Variants in TRHDE observed in about 807,000 individuals in gnomAD.
TRHDE encodes the protein thyrotropin releasing hormone degrading enzyme.
TRHDE carries 72 observed loss-of-function variants against 125.7 expected under a neutral mutation model. The observed-to-expected ratio is 0.57, with a 90% CI of 0.47 to 0.70. The LOEUF (loss-of-function observed/expected upper bound fraction) is 0.70. Ranked by LOEUF, TRHDE falls within the 30% of genes least tolerant of loss-of-function variation. The pLI, the probability that TRHDE is intolerant of heterozygous loss-of-function variation, is 0.00. For missense variants in TRHDE, 1,110 were observed against 1,327.1 expected (o/e 0.84, Z 2.54); for synonymous variants, 509 against 509.1 (o/e 1.00, Z 0.00).
At chr12:72,253,533 T>C (rs1281999129) in intron 2 of TRHDE, 1 of 152,108 alleles carries the variant, frequency 6.6e-6, no homozygotes, top group Non-Finnish European at 1.5e-5. Context: ...ACTTTATTTT[T>C]TACAGCAATT....
chr12:72,251,108 T>G (rs939715131), intron 2 of TRHDE, among the ~76,000 whole-genome samples: 1 of 151,934 alleles, frequency 6.6e-6, no homozygotes, highest in Non-Finnish European at 1.5e-5. Context: ...TTGACATTGA[T>G]TATGATCCAT....
At chr12:72,386,052 G>T (rs1872399838) in intron 3 of TRHDE, among the ~76,000 whole-genome samples, 1 of 152,186 alleles carries the variant, frequency 6.6e-6, no homozygotes, top group Non-Finnish European at 1.5e-5. Flanking sequence ...TTAAAATCTA[G>T]TTGAAGAGAA....
intron 6 of TRHDE, among the ~76,000 whole-genome samples, chr12:72,516,887 C>T (rs1376259398): frequency 6.6e-6 from 1 of 152,132 alleles, no homozygotes; most frequent in African/African-American, 2.4e-5. Context: ...GCCTTTTCTG[C>T]ATCTATTGAG....
At chr12:72,548,445 T>A (rs953030273) in intron 7 of TRHDE, among the ~76,000 whole-genome samples, 3 of 151,850 alleles carry the variant, frequency 2.0e-5, no homozygotes, top group Admixed American at 1.3e-4. Flanking sequence ...CAACAATGCT[T>A]ATAGTTAAAA....
In TRHDE at chr12:72,562,863, G is replaced by C. The variant is rs1451611636; in HGVS notation, c.1865G>C (p.Arg622Thr). The part of the protein sequence containing the change: ...LWNTLSEALK[R>T]NGKYVNIQEV... ...TTTTTCCTTGTGAAGGCTTTAAAAA[G>C]AAATGGGAAATATGTAAATATACAA... The change falls in exon 9 of 19, where the codon AGA becomes ACA. Residue 622 changes from arginine (R) to threonine (T), a missense_variant. By Grantham distance (71) the Arg-to-Thr change is moderately conservative. Around this residue, in one of 5 missense-constraint regions of TRHDE, gnomAD observed 527 missense variants for 651.8 expected, o/e 0.81. Transcript: ENST00000261180. 1.3e-6 allele frequency: 2 copies of C among 1,562,672 alleles called. No homozygotes were observed. Among genetic ancestry groups the C allele is most frequent in the African/African-American group, 1.4e-5 (1 of 72,600 alleles).
At chr12:72,532,808 CATATA>C (rs1323093480) in intron 6 of TRHDE, among the ~76,000 whole-genome samples, 2 of 149,858 alleles carry the variant, frequency 1.3e-5, no homozygotes, top group East Asian at 1.9e-4. Context: ...TGTATTATCA[CATATA>C]ATATATATTA....
intron 12 of TRHDE, among the ~76,000 whole-genome samples, chr12:72,600,758 G>C (rs2136058704): frequency 6.6e-6 from 1 of 152,020 alleles, no homozygotes; most frequent in South Asian, 2.1e-4. Context: ...AACAAAGCTT[G>C]GATGACAACA....
intron 3 of TRHDE, among the ~76,000 whole-genome samples, chr12:72,402,776 T>G (rs1276068748): frequency 1.3e-5 from 2 of 152,184 alleles, no homozygotes; most frequent in Non-Finnish European, 2.9e-5. Flanking sequence ...CATTGATTTT[T>G]TTTTCTGTAG....
At chr12:72,102,832 G>A (rs143513296) in intron 1 of TRHDE, among the ~76,000 whole-genome samples, 1 of 152,216 alleles carries the variant, frequency 6.6e-6, no homozygotes, top group Non-Finnish European at 1.5e-5. Context: ...AGGGCTTGTT[G>A]CCCCAGTTGG....
At chr12:72,447,148 G>C (rs1256526382) in intron 3 of TRHDE, among the ~76,000 whole-genome samples, 2 of 152,082 alleles carry the variant, frequency 1.3e-5, no homozygotes, top group African/African-American at 4.8e-5. Context: ...TAAAAGAACA[G>C]AAATTATAAC....
At chr12:72,512,412 AACT>A (rs1565771975) in intron 6 of TRHDE, among the ~76,000 whole-genome samples, 1 of 123,990 alleles carries the variant, frequency 8.1e-6, no homozygotes, top group Non-Finnish European at 1.6e-5. Flanking sequence ...ATATAATTAT[AACT>A]ATATAATATA....
At chr12:72,597,746 T>C (rs1384368579) in intron 12 of TRHDE, among the ~76,000 whole-genome samples, 278 of 9,306 alleles carry the variant, frequency 0.03, 20 homozygotes, top group South Asian at 0.12. Flanking sequence ...TATATATATA[T>C]ATATATATAT....
chr12:72,553,576 G>C (rs1177529663), intron 7 of TRHDE, among the ~76,000 whole-genome samples: 1 of 152,042 alleles, frequency 6.6e-6, no homozygotes, highest in African/African-American at 2.4e-5. Context: ...TCTCAGTAGA[G>C]CTCAGTGAAA....
chr12:72,206,174 CCTCCTGGGTTCAAGTGATT>C (rs1877661418), intron 2 of TRHDE, among the ~76,000 whole-genome samples: 1 of 151,506 alleles, frequency 6.6e-6, no homozygotes, highest in African/African-American at 2.4e-5. Flanking sequence ...GCAACGTCCG[CCTCCTGGGTTCAAGTGATT>C]CTCCTCCTTC....
At chr12:72,420,724 G>A (rs1411536982) in intron 3 of TRHDE, among the ~76,000 whole-genome samples, 1 of 152,118 alleles carries the variant, frequency 6.6e-6, no homozygotes, top group Non-Finnish European at 1.5e-5. Context: ...GTATGCTGTT[G>A]ATCAATTTCA....
chr12:72,329,431 C>G (rs190885413), intron 2 of TRHDE, among the ~76,000 whole-genome samples: 1 of 152,130 alleles, frequency 6.6e-6, no homozygotes, highest in African/African-American at 2.4e-5. Context: ...GAGATTTACT[C>G]TGATGATAGT....
chr12:72,281,104 C>T (rs930214060), intron 1 of TRHDE, among the ~76,000 whole-genome samples: 69 of 152,190 alleles, frequency 4.5e-4, no homozygotes, highest in African/African-American at 3.9e-4. Flanking sequence ...TTTTATAACA[C>T]GATTATTCAC....
intron 6 of TRHDE, among the ~76,000 whole-genome samples, chr12:72,512,199 T>C (rs1330688459): frequency 2.6e-5 from 4 of 151,842 alleles, no homozygotes; most frequent in Admixed American, 6.6e-5. Context: ...AAAACTTGGC[T>C]GTAGTGAGAT....
At chr12:72,550,168 A>G (rs1592529618) in intron 7 of TRHDE, among the ~76,000 whole-genome samples, 1 of 152,006 alleles carries the variant, frequency 6.6e-6, no homozygotes, top group South Asian at 2.1e-4. Flanking sequence ...TAGTTGATGT[A>G]TGGATGTATC....
Sources: gnomAD v4.1 joint callset for allele counts (sites outside exome capture counted in the v4.1 genomes callset) on GRCh38, gnomAD v4.1.1 for gene constraint, gnomAD v4.1.1 regional missense constraint, MANE v1.5 for transcripts, NCBI Gene and HGNC (gene_info 2026-07-23, HGNC 2026-07-21) for gene names.